Variants in KIAA1328 observed in about 807,000 individuals in gnomAD.
The protein encoded by KIAA1328 is KIAA1328.
Under a neutral mutation model 68.1 loss-of-function variants are expected in KIAA1328, and 52 were observed. The ratio of observed to expected loss-of-function variants is 0.76; its 90% confidence interval spans 0.61 to 0.96. KIAA1328 has a LOEUF of 0.96. Among genes scored for constraint, KIAA1328 ranks in the 40% least tolerant of loss-of-function variants. KIAA1328 has a pLI of 0.00. For missense variants in KIAA1328, 641 were observed against 677.6 expected, an observed-to-expected ratio of 0.95 and a Z score of 0.60; for synonymous variants, 232 against 239.4, an observed-to-expected ratio of 0.97 and a Z score of 0.28.
intron 4 of KIAA1328, among the ~76,000 whole-genome samples, chr18:36,882,921 A>G (rs980240954): frequency 1.3e-4 from 20 of 152,182 alleles, no homozygotes; most frequent in African/African-American, 4.6e-4. Flanking sequence ...GACATTCTTC[A>G]TATCTACATA....
intron 7 of KIAA1328, among the ~76,000 whole-genome samples, chr18:37,115,838 G>A (rs1180620727): frequency 6.6e-6 from 1 of 152,176 alleles, no homozygotes; most frequent in Non-Finnish European, 1.5e-5. Flanking sequence ...AAATGAATGT[G>A]CAAAAATCAC....
intron 7 of KIAA1328, among the ~76,000 whole-genome samples, chr18:37,142,406 G>A (rs2058787088): frequency 6.6e-6 from 1 of 152,044 alleles, no homozygotes; most frequent in Non-Finnish European, 1.5e-5. Flanking sequence ...CGGCCAGGCT[G>A]TTCTCGAACT....
chr18:36,936,693 G>A (rs1037002551), intron 5 of KIAA1328, among the ~76,000 whole-genome samples: 10 of 152,134 alleles, frequency 6.6e-5, no homozygotes, highest in Admixed American at 2.6e-4. Context: ...TCGCCATACC[G>A]TCTTTCACAA....
At chr18:37,057,528 C>T (rs2055963002) in intron 6 of KIAA1328, among the ~76,000 whole-genome samples, 1 of 151,460 alleles carries the variant, frequency 6.6e-6, no homozygotes, top group African/African-American at 2.4e-5. Flanking sequence ...CCCGAGTTCA[C>T]ACCATTCTCC....
Position 37,050,310 on chromosome 18 carries a change from A to G in KIAA1328, c.577-16580A>G, listed in dbSNP as rs148953094. On this transcript the variant is annotated intron_variant, in intron 6 of 9. Transcript: ENST00000280020. ...GTTGCGTCCTTAAATGAATCTTAGTATTAGTTGGCTTTATTCTCCTTTATG... is the reference window on the plus strand; with the variant it reads ...GTTGCGTCCTTAAATGAATCTTAGTGTTAGTTGGCTTTATTCTCCTTTATG... Among the ~76,000 whole-genome samples the G allele has an allele frequency of 7.3e-3, 1,108 of 152,262 alleles. 11 individuals carry two copies. Among genetic ancestry groups the G allele is most frequent in the Non-Finnish European group, 0.011 (718 of 67,990 alleles).
At chr18:36,922,045 A>G (rs1388080741) in intron 5 of KIAA1328, among the ~76,000 whole-genome samples, 3 of 151,842 alleles carry the variant, frequency 2.0e-5, no homozygotes, top group Non-Finnish European at 2.9e-5. Flanking sequence ...CTCCTGCCTC[A>G]GCCTCCAGAG....
rs550279965 is a variant in KIAA1328 at position 36,941,775 on chromosome 18, A to G, written c.449-17533A>G. ...ATAGAAGAGGCATTTACATTTTACT[A>G]CTGTATGGTCAGTTCTGCTATAAGG... On this transcript the variant is annotated intron_variant, in intron 5 of 9. Transcript: ENST00000280020. 4.6e-5 allele frequency among the ~76,000 whole-genome samples: 7 copies of G among 152,300 alleles called. No homozygotes were observed. In the South Asian group the frequency reaches 1.0e-3, roughly 23 times the overall value.
rs1158585399 is a variant in KIAA1328, at chr18:37,027,372, A to G, written c.577-39518A>G. On this transcript the variant is annotated intron_variant, in intron 6 of 9. Transcript: ENST00000280020. Reference sequence around the variant, plus strand: ...TCACAGAATTGGAAAAAACTACTTTAAAGTTCATATGGAACCAAAAAGAGC... The same window carrying G: ...TCACAGAATTGGAAAAAACTACTTTGAAGTTCATATGGAACCAAAAAGAGC... Among the ~76,000 whole-genome samples, 3 of 152,222 alleles carry G rather than the reference A, an allele frequency of 2.0e-5. No individual in the cohort carries two copies. The South Asian group carries it at 6.2e-4, about 32-fold the overall frequency.
chr18:36,978,019 G>A (rs1019473490), intron 6 of KIAA1328, among the ~76,000 whole-genome samples: 8 of 152,128 alleles, frequency 5.3e-5, no homozygotes, highest in African/African-American at 1.7e-4. Context: ...CTGGCCTCAA[G>A]TGATCTGCCT....
At chr18:37,125,112 G>T (rs1014839798) in intron 7 of KIAA1328, among the ~76,000 whole-genome samples, 10 of 152,192 alleles carry the variant, frequency 6.6e-5, no homozygotes, top group Non-Finnish European at 1.0e-4. Context: ...TGAATTGCAT[G>T]AGTCCAGGAG....
At chr18:37,185,122 C>T (rs1262433525) in intron 9 of KIAA1328, among the ~76,000 whole-genome samples, 3 of 150,936 alleles carry the variant, frequency 2.0e-5, no homozygotes, top group Admixed American at 6.6e-5. Context: ...GCTGAGATCG[C>T]GCCACTGCAC....
intron 4 of KIAA1328, among the ~76,000 whole-genome samples, chr18:36,885,048 A>G (rs897694874): frequency 1.3e-5 from 2 of 152,036 alleles, no homozygotes; most frequent in African/African-American, 4.8e-5. Context: ...TAATCATACT[A>G]TTTATATGCT....
chr18:36,843,444 T>A (rs776737048), intron 3 of KIAA1328, among the ~76,000 whole-genome samples: 13 of 152,212 alleles, frequency 8.5e-5, no homozygotes, highest in Non-Finnish European at 1.5e-4. Context: ...TACCTACGAT[T>A]CCTTCGTGAC....
chr18:36,875,900 G>C (rs916025030), intron 4 of KIAA1328, among the ~76,000 whole-genome samples: 1 of 151,754 alleles, frequency 6.6e-6, no homozygotes, highest in South Asian at 2.1e-4. Context: ...TTTATCGAAG[G>C]CCTTTTCTGC....
chr18:36,963,365 A>G (rs2051777533), intron 6 of KIAA1328, among the ~76,000 whole-genome samples: 1 of 152,192 alleles, frequency 6.6e-6, no homozygotes, highest in Non-Finnish European at 1.5e-5. Context: ...ACAAAACGGA[A>G]GGCCAATCCA....
At chr18:36,969,421 T>G (rs895471182) in intron 6 of KIAA1328, among the ~76,000 whole-genome samples, 2 of 151,088 alleles carry the variant, frequency 1.3e-5, no homozygotes, top group African/African-American at 4.9e-5. Context: ...AGAGAGAAGA[T>G]CCAAGTAAAC....
chr18:37,172,340 A>G (rs1236921361), intron 8 of KIAA1328, among the ~76,000 whole-genome samples: 3 of 152,226 alleles, frequency 2.0e-5, no homozygotes, highest in Non-Finnish European at 1.5e-5. Flanking sequence ...TGTCCATACC[A>G]TCTTTTTATT....
At chr18:37,065,659 G>A (rs1157725041) in intron 6 of KIAA1328, among the ~76,000 whole-genome samples, 10 of 152,122 alleles carry the variant, frequency 6.6e-5, no homozygotes, top group Admixed American at 6.6e-4. Flanking sequence ...TTTCAGAAAT[G>A]CACCTCCTTC....
intron 4 of KIAA1328, among the ~76,000 whole-genome samples, chr18:36,867,900 A>C (rs2047810427): frequency 6.6e-6 from 1 of 152,212 alleles, no homozygotes; most frequent in African/African-American, 2.4e-5. Flanking sequence ...AGAAAGACTT[A>C]CTGGTTAGGC....
Sources: gnomAD v4.1 joint callset for allele counts (sites outside exome capture counted in the v4.1 genomes callset) on GRCh38, gnomAD v4.1.1 for gene constraint, MANE v1.5 for transcripts, NCBI Gene and HGNC (gene_info 2026-07-23, HGNC 2026-07-21) for gene names.